ANKS1B: variants seen among roughly 807,000 people sequenced by gnomAD.
ANKS1B encodes ankyrin repeat and sterile alpha motif domain containing 1B.
A neutral mutation model predicts 148.3 loss-of-function variants in ANKS1B; 36 were observed. The ratio of observed to expected loss-of-function variants is 0.24; its 90% CI spans 0.19 to 0.32. The LOEUF is 0.32. Ranked by LOEUF, ANKS1B falls within the 10% of genes least tolerant of loss-of-function variation. The pLI is 1.00. For synonymous variants in ANKS1B, 542 were observed against 560.8 expected (o/e 0.97, Z 0.47); for missense variants, 1,157 against 1,542.6 (o/e 0.75, Z 4.19).
chr12:99,632,751 A>G (rs1598466109), intron 9 of ANKS1B, among the ~76,000 whole-genome samples: 1 of 107,426 alleles, frequency 9.3e-6, no homozygotes, highest in East Asian at 3.1e-4. Flanking sequence ...ATATATATAT[A>G]TATATATATA....
intron 12 of ANKS1B, among the ~76,000 whole-genome samples, chr12:99,351,271 C>G (rs764237037): frequency 2.6e-5 from 4 of 152,030 alleles, no homozygotes; most frequent in Non-Finnish European, 5.9e-5. Context: ...GATCAACTCT[C>G]AGAGGCCAAG....
intron 1 of ANKS1B, among the ~76,000 whole-genome samples, chr12:99,939,177 G>A (rs950282292): frequency 2.0e-5 from 3 of 151,944 alleles, no homozygotes; most frequent in Admixed American, 1.3e-4. Flanking sequence ...CTGCAGCCTC[G>A]ACCTACTGGG....
At chr12:99,109,071 C>T (rs143297443) in intron 15 of ANKS1B, among the ~76,000 whole-genome samples, 1 of 152,274 alleles carries the variant, frequency 6.6e-6, no homozygotes, top group East Asian at 1.9e-4. Flanking sequence ...GCTTCTTTCT[C>T]TTCTCGCTCT....
intron 8 of ANKS1B, among the ~76,000 whole-genome samples, chr12:99,698,382 AGTGT>A (rs375654416): frequency 6.6e-6 from 1 of 151,990 alleles, no homozygotes; most frequent in African/African-American, 2.4e-5. Context: ...CAGCAATTTA[AGTGT>A]GTGTGTGTCC....
chr12:99,696,001 C>A (rs1200789629), intron 8 of ANKS1B, among the ~76,000 whole-genome samples: 1 of 152,092 alleles, frequency 6.6e-6, no homozygotes, highest in Non-Finnish European at 1.5e-5. Flanking sequence ...ATGCTCACTA[C>A]CTGGGTGGAG....
intron 12 of ANKS1B, among the ~76,000 whole-genome samples, chr12:99,382,113 A>G (rs1367286762): frequency 1.3e-5 from 2 of 152,188 alleles, no homozygotes; most frequent in Non-Finnish European, 2.9e-5. Context: ...GCAGTGAATG[A>G]CCCATGAGAG....
intron 8 of ANKS1B, among the ~76,000 whole-genome samples, chr12:99,706,818 G>T (rs2055858901): frequency 6.6e-6 from 1 of 152,064 alleles, no homozygotes; most frequent in African/African-American, 2.4e-5. Context: ...GAGGCTCTCG[G>T]TCAAGGAATT....
chr12:98,990,467 T>C (rs2099925930), intron 17 of ANKS1B, among the ~76,000 whole-genome samples: 1 of 139,348 alleles, frequency 7.2e-6, no homozygotes, highest in Non-Finnish European at 1.6e-5. Flanking sequence ...AACAGAAAAA[T>C]AAATAACCTG....
At chr12:99,850,251 C>T (rs1049848953) in intron 1 of ANKS1B, among the ~76,000 whole-genome samples, 7 of 144,424 alleles carry the variant, frequency 4.8e-5, no homozygotes, top group Non-Finnish European at 7.5e-5. Context: ...ATGGTATCTT[C>T]GCATTTGAGA....
At chr12:99,800,161 G>A (rs775651227) in intron 4 of ANKS1B, among the ~76,000 whole-genome samples, 1 of 152,048 alleles carries the variant, frequency 6.6e-6, no homozygotes, top group Non-Finnish European at 1.5e-5. Context: ...TCATAAGGGT[G>A]TGGCCCTAAT....
intron 17 of ANKS1B, chr12:98,893,571 T>C (rs1178777875): frequency 6.6e-6 from 1 of 152,246 alleles, no homozygotes; most frequent in Non-Finnish European, 1.5e-5. Context: ...CCAACACTAT[T>C]TCCTGTAGTT....
intron 17 of ANKS1B, among the ~76,000 whole-genome samples, chr12:98,992,439 C>T (rs1295929390): frequency 6.6e-6 from 1 of 151,998 alleles, no homozygotes; most frequent in African/African-American, 2.4e-5. Context: ...GGGGTGATTT[C>T]CCTCATGCTG....
intron 16 of ANKS1B, among the ~76,000 whole-genome samples, chr12:99,063,688 G>A (rs995048390): frequency 2.0e-5 from 3 of 152,124 alleles, no homozygotes; most frequent in South Asian, 2.1e-4. Flanking sequence ...GTGATTTCAC[G>A]CATGTCACCT....
At chr12:99,811,330 C>T (rs2068335546) in intron 3 of ANKS1B, among the ~76,000 whole-genome samples, 1 of 151,842 alleles carries the variant, frequency 6.6e-6, no homozygotes, top group Non-Finnish European at 1.5e-5. Context: ...TATTGGACAA[C>T]TGCCAACCTG....
intron 1 of ANKS1B, among the ~76,000 whole-genome samples, chr12:99,879,172 T>G (rs2092327237): frequency 6.6e-6 from 1 of 152,174 alleles, no homozygotes; most frequent in Non-Finnish European, 1.5e-5. Context: ...TGTCAGTATC[T>G]ACAGAGTTTT....
At chr12:99,338,902 G>A (rs147759850) in intron 12 of ANKS1B, among the ~76,000 whole-genome samples, 9 of 152,220 alleles carry the variant, frequency 5.9e-5, no homozygotes, top group Non-Finnish European at 1.0e-4. Context: ...TGTTATTTCC[G>A]AGTTGAAAGA....
chr12:99,728,249 C>T (rs944438767), intron 8 of ANKS1B, among the ~76,000 whole-genome samples: 1 of 151,952 alleles, frequency 6.6e-6, no homozygotes, highest in Admixed American at 6.6e-5. Flanking sequence ...GTCTAATATC[C>T]AGAATCTACA....
At position 99,540,377 on chromosome 12, in the gene ANKS1B, C is replaced by T. The variant is rs571178604; in HGVS notation, c.1273-35736G>A. Among the ~76,000 whole-genome samples the T allele has an allele frequency of 1.6e-4, 24 of 152,212 alleles. No homozygotes were observed. In the South Asian group the frequency reaches 4.6e-3, roughly 29 times the overall value. On this transcript the variant is annotated intron_variant, in intron 9 of 26. Coordinates refer to ENST00000683438, the MANE Select transcript of ANKS1B (RefSeq NM_001352186.2). ...AGAATGTGCGTTCTTCTTAAGTACA[C>T]GTGAAACATCCTGCAGAATAGACCA...
At chr12:99,626,307 T>C (rs2098112503) in intron 9 of ANKS1B, among the ~76,000 whole-genome samples, 1 of 152,144 alleles carries the variant, frequency 6.6e-6, no homozygotes, top group Admixed American at 6.5e-5. Context: ...CGGTCCACCA[T>C]TGCCATGAAA....
Sources: allele counts gnomAD v4.1 joint callset (sites outside exome capture counted in the v4.1 genomes callset), GRCh38; gene constraint gnomAD v4.1.1; transcripts MANE v1.5; gene names NCBI Gene and HGNC (gene_info 2026-07-23, HGNC 2026-07-21).